GPM6A: variants seen among roughly 807,000 people sequenced by gnomAD.
The protein encoded by GPM6A is neuronal membrane glycoprotein M6-a.
GPM6A carries 7 observed loss-of-function variants against 32.1 expected under a neutral mutation model. The ratio of observed to expected loss-of-function variants is 0.22; its 90% CI spans 0.12 to 0.41. The LOEUF (loss-of-function observed/expected upper bound fraction) is 0.41. GPM6A is among the 10% of genes least tolerant of loss of function. GPM6A has a pLI of 1.00. For synonymous variants in GPM6A, 130 were observed against 123.4 expected, an observed-to-expected ratio of 1.05 and a Z score of -0.35; for missense variants, 235 against 347.2, an observed-to-expected ratio of 0.68 and a Z score of 2.57.
At chr4:175,645,728 A>T (rs1218851241) in intron 4 of GPM6A, among the ~76,000 whole-genome samples, 1 of 152,166 alleles carries the variant, frequency 6.6e-6, no homozygotes, top group African/African-American at 2.4e-5. Context: ...CTCAAAAAAC[A>T]AACAAACAAA....
chr4:175,931,153 C>A (rs1197566201), intron 1 of GPM6A, among the ~76,000 whole-genome samples: 1 of 152,196 alleles, frequency 6.6e-6, no homozygotes, highest in African/African-American at 2.4e-5. Flanking sequence ...GTTCTAAGAA[C>A]TTATTTCTCA....
chr4:175,665,587 C>T (rs1253811641), intron 3 of GPM6A, among the ~76,000 whole-genome samples: 1 of 151,932 alleles, frequency 6.6e-6, no homozygotes, highest in African/African-American at 2.4e-5. Flanking sequence ...TGTTTGAGAC[C>T]AGCCTGACCA....
At chr4:175,824,150 C>T (rs1446741226) in intron 1 of GPM6A, among the ~76,000 whole-genome samples, 2 of 152,204 alleles carry the variant, frequency 1.3e-5, no homozygotes, top group Non-Finnish European at 2.9e-5. Flanking sequence ...TTTATTGGCC[C>T]TGACATATGG....
chr4:175,708,993 A>G (rs1037173130), intron 1 of GPM6A, among the ~76,000 whole-genome samples: 2 of 152,178 alleles, frequency 1.3e-5, no homozygotes, highest in African/African-American at 4.8e-5. Flanking sequence ...TAAACTACTG[A>G]TCTAATACGC....
intron 1 of GPM6A, among the ~76,000 whole-genome samples, chr4:175,846,782 G>A (rs1736100100): frequency 6.6e-6 from 1 of 151,990 alleles, no homozygotes; most frequent in Admixed American, 6.6e-5. Context: ...ATAGAATGTA[G>A]CAATTATATT....
At chr4:175,700,720 A>G (rs935606325) in intron 2 of GPM6A, among the ~76,000 whole-genome samples, 2 of 152,220 alleles carry the variant, frequency 1.3e-5, no homozygotes, top group African/African-American at 4.8e-5. Context: ...TTATAAATAT[A>G]ACAAAAGCTA....
intron 1 of GPM6A, among the ~76,000 whole-genome samples, chr4:175,969,577 G>C (rs934712207): frequency 5.9e-5 from 9 of 152,246 alleles, no homozygotes; most frequent in East Asian, 3.9e-4. Flanking sequence ...TGGGCGTGGT[G>C]GTGGGCACTT....
At chr4:175,834,563 C>T (rs546391508) in intron 1 of GPM6A, among the ~76,000 whole-genome samples, 1 of 152,184 alleles carries the variant, frequency 6.6e-6, no homozygotes, top group South Asian at 2.1e-4. Flanking sequence ...CACAATGTCT[C>T]CACTATATTT....
chr4:175,702,411 T>C (rs1744930710), intron 1 of GPM6A, among the ~76,000 whole-genome samples: 1 of 152,240 alleles, frequency 6.6e-6, no homozygotes, highest in South Asian at 2.1e-4. Context: ...TATCGAATAC[T>C]AGAACTTATT....
At chr4:175,704,883 A>G (rs1745088233) in intron 1 of GPM6A, among the ~76,000 whole-genome samples, 1 of 152,240 alleles carries the variant, frequency 6.6e-6, no homozygotes, top group Non-Finnish European at 1.5e-5. Flanking sequence ...GCCTAAAGTT[A>G]ATAACTGAGC....
intron 1 of GPM6A, among the ~76,000 whole-genome samples, chr4:175,760,052 T>C (rs1010278722): frequency 2.0e-5 from 3 of 151,968 alleles, no homozygotes; most frequent in African/African-American, 7.3e-5. Context: ...TGATGGTGCA[T>C]GCCTGTAATC....
intron 1 of GPM6A, among the ~76,000 whole-genome samples, chr4:175,968,661 A>T (rs1173897079): frequency 2.0e-5 from 3 of 152,202 alleles, no homozygotes; most frequent in Non-Finnish European, 4.4e-5. Flanking sequence ...GAGATTATAG[A>T]TTATCATATG....
chr4:175,971,301 C>A (rs1380727588), intron 1 of GPM6A, among the ~76,000 whole-genome samples: 2 of 151,564 alleles, frequency 1.3e-5, no homozygotes, highest in East Asian at 3.9e-4. Context: ...TGAAAAGGAC[C>A]CGGTACCTGC....
rs1219190224 is a variant in GPM6A, at chr4:175,633,584, C to A, written c.*1321G>T. 3.3e-5 allele frequency: 5 copies of A among 152,436 alleles called. No homozygotes were observed. The East Asian group carries it at 9.6e-4, about 29-fold the overall frequency. The allele number at this position is 152,436 out of a possible 1,614,324, so 9.4% of individuals were successfully genotyped here. ...TCAGGCTACATCATTTTAGAAGACA[C>A]TTTACAGCATTCTTGTAGCATTAGA... On this transcript the variant is annotated 3_prime_UTR_variant, in exon 7 of 7. Transcript: ENST00000393658.
chr4:175,958,524 G>A (rs899564178), intron 1 of GPM6A, among the ~76,000 whole-genome samples: 6 of 152,192 alleles, frequency 3.9e-5, no homozygotes, highest in African/African-American at 1.2e-4. Flanking sequence ...AGGGTGACAT[G>A]TAAAAATGGC....
chr4:175,708,944 A>T (rs1745374765), intron 1 of GPM6A, among the ~76,000 whole-genome samples: 1 of 152,162 alleles, frequency 6.6e-6, no homozygotes, highest in Non-Finnish European at 1.5e-5. Context: ...ACAACCAGTA[A>T]AACTATCCAG....
rs150040048 is a variant in GPM6A, at chr4:175,949,716, G to T, written c.-23+52593C>A. Among the ~76,000 whole-genome samples, 1,006 of 152,282 alleles carry T rather than the reference G, an allele frequency of 6.6e-3. 6 individuals carry two copies. The highest frequency in any genetic ancestry group is 0.023 in the African/African-American group (954 of 41,550). ...TTGGCTGATACTTTCAGAGTCCTCAGAAGTTTGATTTTAAACTCATGAAAA... is the reference window on the plus strand; with the variant it reads ...TTGGCTGATACTTTCAGAGTCCTCATAAGTTTGATTTTAAACTCATGAAAA... On this transcript the variant is annotated intron_variant, in intron 1 of 7. Coordinates refer to the GPM6A transcript ENST00000280187.
intron 1 of GPM6A, among the ~76,000 whole-genome samples, chr4:175,759,455 A>G (rs1259046878): frequency 1.3e-5 from 2 of 152,174 alleles, no homozygotes; most frequent in Non-Finnish European, 1.5e-5. Flanking sequence ...TAGCTTGCTA[A>G]ATAATTTTTG....
At chr4:175,742,261 T>C (rs1731916512) in intron 1 of GPM6A, among the ~76,000 whole-genome samples, 1 of 152,122 alleles carries the variant, frequency 6.6e-6, no homozygotes, top group Non-Finnish European at 1.5e-5. Flanking sequence ...CCTTCTCCTT[T>C]ATGGTGGGTT....
Sources: allele counts gnomAD v4.1 joint callset (sites outside exome capture counted in the v4.1 genomes callset), GRCh38; gene constraint gnomAD v4.1.1; transcripts MANE v1.5; gene names NCBI Gene and HGNC (gene_info 2026-07-23, HGNC 2026-07-21).